The following UBE2R2 variants were observed in gnomAD, a reference collection of about 807,000 sequenced individuals.
The protein encoded by UBE2R2 is ubiquitin conjugating enzyme E2 R2, also known as ubiquitin-conjugating enzyme E2 R2.
In UBE2R2, 1 loss-of-function variant was observed where a neutral mutation model predicts 27.8. That is an observed-to-expected ratio of 0.04 (90% confidence interval 0.01 to 0.17). The LOEUF (loss-of-function observed/expected upper bound fraction) is 0.17, where lower values mean the gene tolerates loss of function less well. Among genes scored for constraint, UBE2R2 ranks in the 10% least tolerant of loss-of-function variants. The pLI is 1.00. For missense variants in UBE2R2, 100 were observed against 291.0 expected (o/e 0.34, Z 4.78); for synonymous variants, 106 against 113.3 (o/e 0.94, Z 0.41).
intron 1 of UBE2R2, among the ~76,000 whole-genome samples, chr9:33,868,222 G>T (rs1248120589): frequency 6.6e-6 from 1 of 152,054 alleles, no homozygotes; most frequent in Admixed American, 6.6e-5. Context: ...ACACTCAGCC[G>T]CTTGTGTTGC....
chr9:33,878,036 C>T lies in UBE2R2; in HGVS notation c.178-8845C>T, dbSNP rs147469346. On this transcript the variant is annotated intron_variant, in intron 1 of 4. Transcript: ENST00000263228. ...CCTCCCAAAGTGCTAAGATTACAGG[C>T]GTGAGCCACTGCACCCATCCACCTA... Among the ~76,000 whole-genome samples the T allele has an allele frequency of 3.0e-3, 453 of 152,188 alleles. 2 individuals carry two copies. Among genetic ancestry groups the T allele is most frequent in the African/African-American group, 9.9e-3 (410 of 41,514 alleles).
chr9:33,832,034 T>G (rs1295095169), intron 1 of UBE2R2, among the ~76,000 whole-genome samples: 2 of 151,298 alleles, frequency 1.3e-5, no homozygotes, highest in Non-Finnish European at 2.9e-5. Context: ...TTAGGCCGGG[T>G]GCAGTGCCTC....
At chr9:33,900,072 TGAA>T (rs1822212663) in intron 2 of UBE2R2, 99 bp from the exon 3 acceptor site, 1 of 787,236 alleles carries the variant, frequency 1.3e-6, no homozygotes, top group African/African-American at 1.7e-5. Flanking sequence ...TCTCCTTTGA[TGAA>T]GAAACAGTTT....
Position 33,917,437 on chromosome 9 carries a change from AGAATGTCT to A in UBE2R2, c.*205_*212del, listed in dbSNP as rs1822675965. The A allele has an allele frequency of 3.2e-5, 23 of 715,976 alleles. 1 individual carries two copies. The South Asian group carries it at 4.3e-4, about 13-fold the overall frequency. The allele number at this position is 715,976 out of a possible 1,614,324, so 44.4% of individuals were successfully genotyped here. ...TAATGGAGAGAGAGTAACCCTCCACAGAATGTCTGAATTCTTGCATTCTTTACCCTTCC... is the reference window on the plus strand; with the variant it reads ...TAATGGAGAGAGAGTAACCCTCCACAGAATTCTTGCATTCTTTACCCTTCC... On this transcript the variant is annotated 3_prime_UTR_variant, in exon 5 of 5. Transcript: ENST00000263228.
intron 1 of UBE2R2, among the ~76,000 whole-genome samples, chr9:33,839,951 G>T (rs1820696158): frequency 6.6e-6 from 1 of 151,984 alleles, no homozygotes; most frequent in Non-Finnish European, 1.5e-5. Context: ...AGCTATGATT[G>T]TGCCATTGTA....
chr9:33,817,567 T>G lies in UBE2R2; in HGVS notation c.-191T>G. On this transcript the variant is annotated 5_prime_UTR_variant, in exon 1 of 5. Coordinates refer to ENST00000263228, the MANE Select transcript of UBE2R2 (RefSeq NM_017811.4). ...GGAGAAGGGCCCGGCCCGGCCTGCG[T>G]CGTGTGTGAGGAGGACCCCGGGCGG... 2 of 420,826 alleles carry G rather than the reference T, an allele frequency of 4.8e-6. No individual in the cohort carries two copies. The highest frequency in any genetic ancestry group is 6.7e-6 in the Non-Finnish European group (2 of 299,394). The allele number at this position is 420,826 out of a possible 1,614,324, so 26.1% of individuals were successfully genotyped here.
intron 1 of UBE2R2, among the ~76,000 whole-genome samples, chr9:33,880,116 G>A (rs1256784895): frequency 1.3e-5 from 2 of 151,168 alleles, no homozygotes; most frequent in Non-Finnish European, 3.0e-5. Context: ...CAACTCCTGC[G>A]CTCAAGGAAT....
At position 33,919,908 on chromosome 9, in the gene UBE2R2, G is replaced by GTA. The variant is rs1822765890; in HGVS notation, c.*2675_*2676dup. ...GTGTATTTTGAGGCTGGGTGGAGAA[G>GTA]TATATGATTCTGCTGTTGATTCTTT... On this transcript the variant is annotated 3_prime_UTR_variant, in exon 5 of 5. Transcript: ENST00000263228. 6.6e-6 allele frequency: 1 copy of GTA among 152,132 alleles called. No individual in the cohort carries two copies. Among genetic ancestry groups the GTA allele is most frequent in the Non-Finnish European group, 1.5e-5 (1 of 68,022 alleles). 9.4% of individuals were successfully genotyped at this position (152,132 alleles called of 1,614,324 possible).
chr9:33,889,902 T>A (rs1452362751), intron 2 of UBE2R2, among the ~76,000 whole-genome samples: 1 of 98,028 alleles, frequency 1.0e-5, no homozygotes, highest in Non-Finnish European at 2.1e-5. Context: ...CAGGCTGGTC[T>A]CTAACTCCTG....
At chr9:33,837,718 C>T (rs1030161115) in intron 1 of UBE2R2, among the ~76,000 whole-genome samples, 10 of 152,078 alleles carry the variant, frequency 6.6e-5, no homozygotes, top group Admixed American at 5.2e-4. Context: ...CCACACCTGG[C>T]CTGTTCTTGT....
chr9:33,857,822 T>C (rs930408748), intron 1 of UBE2R2, among the ~76,000 whole-genome samples: 2 of 152,248 alleles, frequency 1.3e-5, no homozygotes, highest in African/African-American at 4.8e-5. Context: ...TGAACTGTTT[T>C]GCCTATAGTT....
At chr9:33,815,654 G>T (rs1247929851), upstream of UBE2R2, among the ~76,000 whole-genome samples, 5 of 152,166 alleles carry the variant, frequency 3.3e-5, no homozygotes, top group Non-Finnish European at 7.3e-5. Context: ...TGAGGTTAGA[G>T]GATGGCTTAA....
At chr9:33,842,455 T>A (rs1459096909) in intron 1 of UBE2R2, among the ~76,000 whole-genome samples, 1 of 151,728 alleles carries the variant, frequency 6.6e-6, no homozygotes, top group Non-Finnish European at 1.5e-5. Flanking sequence ...TAATTGAAAT[T>A]TTTTTTTTGG....
At chr9:33,829,998 C>T (rs534287433) in intron 1 of UBE2R2, among the ~76,000 whole-genome samples, 3 of 151,724 alleles carry the variant, frequency 2.0e-5, no homozygotes, top group South Asian at 4.2e-4. Context: ...GGTTTCTCCA[C>T]GTTGGTCAAG....
In UBE2R2 at chr9:33,900,408, G is replaced by GCTA. The variant is rs1587478631; in HGVS notation, c.362+139_362+140insACT. On this transcript the variant is annotated intron_variant, in intron 3 of 4. Coordinates refer to ENST00000263228, the MANE Select transcript of UBE2R2 (RefSeq NM_017811.4). ...TTCAGTTTCTTTGTCTTTAGCTAGA[G>GCTA]CTTTAAGAAATATGTATGCGTCATT... is the stretch of plus-strand genomic sequence containing the variant. The GCTA allele has an allele frequency of 2.3e-5, 13 of 566,436 alleles. No homozygotes were observed. The East Asian group carries it at 4.4e-4, about 19-fold the overall frequency. The allele number at this position is 566,436 out of a possible 1,614,324, so 35.1% of individuals were successfully genotyped here.
chr9:33,882,518 C>T (rs778846285), intron 1 of UBE2R2, among the ~76,000 whole-genome samples: 12 of 152,114 alleles, frequency 7.9e-5, no homozygotes, highest in African/African-American at 1.2e-4. Flanking sequence ...CTCCTGACCT[C>T]GTGATCCACC....
chr9:33,912,284 C>G (rs939394396), intron 4 of UBE2R2, among the ~76,000 whole-genome samples, 186 bp downstream of exon 4: 1 of 152,032 alleles, frequency 6.6e-6, no homozygotes, highest in African/African-American at 2.4e-5. Flanking sequence ...AGAGAACAGC[C>G]ACTAGAAGAT....
intron 1 of UBE2R2, among the ~76,000 whole-genome samples, chr9:33,863,757 G>A (rs534801186): frequency 9.9e-5 from 15 of 152,056 alleles, no homozygotes; most frequent in East Asian, 1.9e-4. Context: ...GCATGATCTC[G>A]GTTCACTGCA....
At chr9:33,825,707 A>G (rs1012512305) in intron 1 of UBE2R2, among the ~76,000 whole-genome samples, 1 of 152,226 alleles carries the variant, frequency 6.6e-6, no homozygotes, top group African/African-American at 2.4e-5. Context: ...TGGAAAAATA[A>G]CAGTGAGGAA....
Sources: allele counts gnomAD v4.1 joint callset (sites outside exome capture counted in the v4.1 genomes callset), GRCh38; gene constraint gnomAD v4.1.1; transcripts MANE v1.5; gene names NCBI Gene and HGNC (gene_info 2026-07-23, HGNC 2026-07-21).